Variants in ST6GALNAC3 observed in about 807,000 individuals in gnomAD.
The protein encoded by ST6GALNAC3 is ST6 N-acetylgalactosaminide alpha-2,6-sialyltransferase 3.
Under a neutral mutation model 32.7 loss-of-function variants are expected in ST6GALNAC3, and 25 were observed. The ratio of observed to expected loss-of-function variants is 0.76; its 90% CI spans 0.56 to 1.07. The LOEUF (loss-of-function observed/expected upper bound fraction) is 1.07. Among genes scored for constraint, ST6GALNAC3 ranks in the 50% least tolerant of loss-of-function variants. The pLI is 0.00. For missense variants in ST6GALNAC3, 355 were observed against 382.4 expected (o/e 0.93, Z 0.60); for synonymous variants, 129 against 133.1 (o/e 0.97, Z 0.21).
chr1:76,291,568 A>G (rs1224122052), intron 1 of ST6GALNAC3, among the ~76,000 whole-genome samples: 6 of 152,254 alleles, frequency 3.9e-5, no homozygotes, highest in South Asian at 2.1e-4. Context: ...GGATCCCGAA[A>G]GAGCAGGCTG....
At chr1:76,099,137 C>T (rs967930059) in intron 1 of ST6GALNAC3, among the ~76,000 whole-genome samples, 1 of 152,028 alleles carries the variant, frequency 6.6e-6, no homozygotes, top group African/African-American at 2.4e-5. Context: ...CATTTTAATA[C>T]CAATGTCACA....
chr1:76,482,767 G>A (rs973767508), intron 3 of ST6GALNAC3, among the ~76,000 whole-genome samples: 2 of 151,900 alleles, frequency 1.3e-5, no homozygotes, highest in Non-Finnish European at 2.9e-5. Context: ...GGGCACATGT[G>A]CACAATGTGC....
chr1:76,390,119 G>T (rs989297399), intron 2 of ST6GALNAC3, among the ~76,000 whole-genome samples: 3 of 151,960 alleles, frequency 2.0e-5, no homozygotes, highest in African/African-American at 7.3e-5. Context: ...TTATATAAAT[G>T]ATTTATTATT....
At chr1:76,093,690 A>G (rs952160246) in intron 1 of ST6GALNAC3, among the ~76,000 whole-genome samples, 14 of 152,186 alleles carry the variant, frequency 9.2e-5, no homozygotes, top group Non-Finnish European at 7.3e-5. Flanking sequence ...TCTACTGGAG[A>G]CAACTCTAGA....
chr1:76,375,154 C>A (rs895378359), intron 2 of ST6GALNAC3, among the ~76,000 whole-genome samples: 2 of 152,100 alleles, frequency 1.3e-5, no homozygotes, highest in Admixed American at 6.6e-5. Context: ...TTAGAGTATA[C>A]CCCATGTTAT....
At chr1:76,093,745 T>A (rs1167546452) in intron 1 of ST6GALNAC3, among the ~76,000 whole-genome samples, 1 of 152,172 alleles carries the variant, frequency 6.6e-6, no homozygotes, top group African/African-American at 2.4e-5. Flanking sequence ...CAAACTAACC[T>A]CACTTCATCA....
At chr1:76,223,281 A>G (rs1655883374) in intron 1 of ST6GALNAC3, among the ~76,000 whole-genome samples, 1 of 152,180 alleles carries the variant, frequency 6.6e-6, no homozygotes, top group Admixed American at 6.6e-5. Flanking sequence ...TAAGAAAGCG[A>G]ACTAATGAAG....
intron 1 of ST6GALNAC3, among the ~76,000 whole-genome samples, chr1:76,124,716 G>T (rs529063745): frequency 6.6e-6 from 1 of 152,058 alleles, no homozygotes; most frequent in African/African-American, 2.4e-5. Flanking sequence ...TGCTACCTAG[G>T]CCTTTCAGAG....
intron 3 of ST6GALNAC3, among the ~76,000 whole-genome samples, chr1:76,498,169 A>G (rs1660970306): frequency 6.6e-6 from 1 of 152,194 alleles, no homozygotes; most frequent in Non-Finnish European, 1.5e-5. Flanking sequence ...TCTCTGTTTC[A>G]GTTTGCACCT....
intron 1 of ST6GALNAC3, among the ~76,000 whole-genome samples, chr1:76,224,935 G>C (rs901235310): frequency 1.3e-5 from 2 of 152,112 alleles, no homozygotes; most frequent in African/African-American, 4.8e-5. Flanking sequence ...GATCAGCATG[G>C]TTTATTTCAG....
intron 3 of ST6GALNAC3, among the ~76,000 whole-genome samples, chr1:76,522,362 T>C (rs566517723): frequency 1.3e-5 from 2 of 152,276 alleles, no homozygotes; most frequent in East Asian, 3.9e-4. Context: ...TTTTTGCCAT[T>C]ATCTCTTCAA....
At chr1:76,198,602 A>G (rs933734136) in intron 1 of ST6GALNAC3, among the ~76,000 whole-genome samples, 1 of 152,188 alleles carries the variant, frequency 6.6e-6, no homozygotes, top group African/African-American at 2.4e-5. Context: ...CTAATTGGAC[A>G]TGAATGGTGG....
intron 1 of ST6GALNAC3, among the ~76,000 whole-genome samples, chr1:76,153,234 T>TC (rs1208091055): frequency 2.0e-5 from 3 of 152,204 alleles, no homozygotes; most frequent in Non-Finnish European, 4.4e-5. Context: ...GAATTTTTTT[T>TC]CCCCTATAGC....
In ST6GALNAC3 at chr1:76,093,560, A is replaced by G. The variant is rs79139338; in HGVS notation, c.18+18676A>G. On this transcript the variant is annotated intron_variant, in intron 1 of 4. Transcript: ENST00000328299. ...AAAGGAATCAGAACATGACTCCCCCAAATCTGCCTCTTTGACATAAAATTA... is the reference window on the plus strand; with the variant it reads ...AAAGGAATCAGAACATGACTCCCCCGAATCTGCCTCTTTGACATAAAATTA... Among the ~76,000 whole-genome samples the G allele has an allele frequency of 6.4e-3, 970 of 152,330 alleles. 13 individuals carry two copies. Among genetic ancestry groups the G allele is most frequent in the African/African-American group, 0.022 (923 of 41,572 alleles).
At chr1:76,628,489 A>T (rs1649115294) in intron 4 of ST6GALNAC3, 131 bp from the exon 5 acceptor site, 1 of 860,126 alleles carries the variant, frequency 1.2e-6, no homozygotes, top group African/African-American at 1.7e-5. Flanking sequence ...CTTTTAACTG[A>T]GTTCATGGAC....
chr1:76,269,778 C>T (rs1658731373), intron 1 of ST6GALNAC3, among the ~76,000 whole-genome samples: 1 of 152,196 alleles, frequency 6.6e-6, no homozygotes, highest in South Asian at 2.1e-4. Flanking sequence ...TCTGAAGACC[C>T]TGGGCTGTGT....
chr1:76,553,226 T>C (rs1015313494), intron 3 of ST6GALNAC3, among the ~76,000 whole-genome samples: 12 of 152,248 alleles, frequency 7.9e-5, no homozygotes, highest in African/African-American at 2.9e-4. Flanking sequence ...TTTATCTCTG[T>C]CATCTTTTGG....
intron 2 of ST6GALNAC3, among the ~76,000 whole-genome samples, chr1:76,372,459 C>T (rs907175761): frequency 7.2e-5 from 11 of 151,852 alleles, no homozygotes; most frequent in African/African-American, 2.7e-4. Flanking sequence ...AATTTTGGGT[C>T]TGTTAGTATA....
intron 1 of ST6GALNAC3, among the ~76,000 whole-genome samples, chr1:76,203,057 A>T (rs1421606345): frequency 6.6e-6 from 1 of 152,204 alleles, no homozygotes; most frequent in Non-Finnish European, 1.5e-5. Context: ...TGGATTACGG[A>T]TTAAAAAAAT....
Sources: gnomAD v4.1 joint callset for allele counts (sites outside exome capture counted in the v4.1 genomes callset) on GRCh38, gnomAD v4.1.1 for gene constraint, MANE v1.5 for transcripts, NCBI Gene and HGNC (gene_info 2026-07-23, HGNC 2026-07-21) for gene names.